Variants in BCAS1 observed in about 807,000 individuals in gnomAD.
BCAS1 encodes the protein brain enriched myelin associated protein 1.
BCAS1 carries 46 observed loss-of-function variants against 65.4 expected under a neutral mutation model. The ratio of observed to expected loss-of-function variants is 0.70; its 90% confidence interval spans 0.55 to 0.90. BCAS1 has a LOEUF of 0.90. Among genes scored for constraint, BCAS1 ranks in the 40% least tolerant of loss-of-function variants. The pLI is 0.00. For synonymous variants in BCAS1, 298 were observed against 293.5 expected (o/e 1.02, Z -0.16); for missense variants, 793 against 771.2 (o/e 1.03, Z -0.33).
chr20:53,961,599 G>C (rs1313188931), intron 10 of BCAS1, among the ~76,000 whole-genome samples: 4 of 152,188 alleles, frequency 2.6e-5, no homozygotes, highest in Non-Finnish European at 4.4e-5. Context: ...TTTTAGGTAA[G>C]TGCAACAGCT....
At chr20:54,062,376 T>G (rs1265610919) in intron 1 of BCAS1, among the ~76,000 whole-genome samples, 1 of 152,216 alleles carries the variant, frequency 6.6e-6, no homozygotes, top group East Asian at 1.9e-4. Context: ...GAGGTATTAT[T>G]ATTTCAATTT....
At chr20:54,018,036 T>C (rs1028369143) in intron 4 of BCAS1, among the ~76,000 whole-genome samples, 1 of 152,240 alleles carries the variant, frequency 6.6e-6, no homozygotes, top group South Asian at 2.1e-4. Flanking sequence ...CAGTTTTGAA[T>C]GCTGCCAGAA....
At chr20:54,037,760 A>G (rs1429415173) in intron 3 of BCAS1, among the ~76,000 whole-genome samples, 2 of 151,222 alleles carry the variant, frequency 1.3e-5, no homozygotes, top group Non-Finnish European at 3.0e-5. Context: ...ATTTGAACCC[A>G]CATTTGCCTG....
At chr20:53,971,341 C>G (rs2090174379) in intron 9 of BCAS1, among the ~76,000 whole-genome samples, 1 of 152,200 alleles carries the variant, frequency 6.6e-6, no homozygotes, top group Non-Finnish European at 1.5e-5. Context: ...CTGACCTCAG[C>G]AGGAAGAGGC....
intron 3 of BCAS1, among the ~76,000 whole-genome samples, chr20:54,055,483 C>T (rs1308244281): frequency 6.6e-6 from 1 of 152,108 alleles, no homozygotes. Flanking sequence ...GACTTATTCA[C>T]TACCATGAAA....
chr20:54,003,297 A>G (rs2091104993), intron 4 of BCAS1, among the ~76,000 whole-genome samples: 2 of 151,400 alleles, frequency 1.3e-5, no homozygotes, highest in Non-Finnish European at 2.9e-5. Context: ...GAGTAGATTC[A>G]GGAGAAACAT....
chr20:54,003,639 T>TACC (rs374238489), intron 4 of BCAS1, among the ~76,000 whole-genome samples: 54,443 of 151,798 alleles, frequency 0.36, 10,979 homozygotes, highest in South Asian at 0.5. Context: ...GTGAGTATTT[T>TACC]AAAAGTAACA....
intron 3 of BCAS1, among the ~76,000 whole-genome samples, chr20:54,050,713 G>A (rs55832546): frequency 0.048 from 7,233 of 152,204 alleles, 224 homozygotes; most frequent in Middle Eastern, 0.11. Context: ...GGCCGTCCAC[G>A]CTCTGCCTCC....
intron 7 of BCAS1, among the ~76,000 whole-genome samples, chr20:53,990,840 G>C (rs190460759): frequency 2.0e-5 from 3 of 152,302 alleles, no homozygotes; most frequent in Non-Finnish European, 4.4e-5. Flanking sequence ...AAAATACACT[G>C]AATGCCACTC....
At chr20:53,971,928 A>G (rs1294122687) in intron 9 of BCAS1, among the ~76,000 whole-genome samples, 1 of 152,222 alleles carries the variant, frequency 6.6e-6, no homozygotes, top group Non-Finnish European at 1.5e-5. Context: ...TTCAAGAGTT[A>G]AAAAAAGATT....
At chr20:53,956,616 A>G (rs762003848) in intron 11 of BCAS1, among the ~76,000 whole-genome samples, 9 of 152,112 alleles carry the variant, frequency 5.9e-5, no homozygotes, top group Non-Finnish European at 1.2e-4. Flanking sequence ...ATAGATGAGG[A>G]AACTGAGGTG....
chr20:53,970,698 C>A (rs952938631), intron 9 of BCAS1, among the ~76,000 whole-genome samples: 3 of 152,282 alleles, frequency 2.0e-5, no homozygotes, highest in African/African-American at 7.2e-5. Flanking sequence ...TGAAGAGTTT[C>A]CCTTTTTGCC....
chr20:54,028,564 G>C lies in BCAS1; in HGVS notation c.551C>G (p.Ala184Gly). 2 of 1,614,204 alleles carry C rather than the reference G, an allele frequency of 1.2e-6. No individual in the cohort carries two copies. Among genetic ancestry groups the C allele is most frequent in the African/African-American group, 1.3e-5 (1 of 75,046 alleles). ...PPETGGAGGEAPSKPKDSSFF... is the reference protein window; with the variant it reads ...PPETGGAGGEGPSKPKDSSFF... ...GCTGGAGTCCTTGGGCTTGGAGGGA[G>C]CTTCTCCTCCTGCTCCCCCTGTCTC... is the stretch of plus-strand genomic sequence containing the variant. The change falls in exon 4 of 13, where the codon GCT becomes GGT. Residue 184 changes from alanine (A) to glycine (G), a missense_variant. Coordinates refer to ENST00000688948, the MANE Select transcript of BCAS1 (RefSeq NM_001366298.2).
chr20:53,985,814 A>C (rs1044794471), intron 7 of BCAS1, among the ~76,000 whole-genome samples: 1 of 152,204 alleles, frequency 6.6e-6, no homozygotes, highest in East Asian at 1.9e-4. Flanking sequence ...TATTTAGGCC[A>C]CTGGTCTCCA....
chr20:54,032,652 A>C (rs1467384800), intron 3 of BCAS1, among the ~76,000 whole-genome samples: 1 of 151,324 alleles, frequency 6.6e-6, no homozygotes, highest in Non-Finnish European at 1.5e-5. Flanking sequence ...AATAGAAAAC[A>C]GAATAAAACA....
Position 54,027,983 on chromosome 20 carries a change from G to T in BCAS1, c.723+409C>A, listed in dbSNP as rs113139073. Among the ~76,000 whole-genome samples the T allele has an allele frequency of 8.7e-4, 133 of 152,306 alleles. 2 individuals carry two copies. Among genetic ancestry groups the T allele is most frequent in the African/African-American group, 3.2e-3 (132 of 41,578 alleles). ...CTATTAACAGTAAGGGACGAAATGT[G>T]TTCCAACAAAACTCTGCATGTCAAC... is the stretch of plus-strand genomic sequence containing the variant. On this transcript the variant is annotated intron_variant, in intron 4 of 12. Transcript: ENST00000688948.
chr20:53,978,267 A>G (rs1486661960), intron 8 of BCAS1, among the ~76,000 whole-genome samples: 3 of 151,986 alleles, frequency 2.0e-5, no homozygotes, highest in Admixed American at 2.0e-4. Flanking sequence ...CCATGTTCTA[A>G]TTCTTGACCT....
At chr20:53,974,878 C>T (rs2090283180) in intron 9 of BCAS1, among the ~76,000 whole-genome samples, 5 of 152,212 alleles carry the variant, frequency 3.3e-5, no homozygotes, top group African/African-American at 9.7e-5. Context: ...TGAGGCTCAA[C>T]GTCTCTATCT....
In BCAS1 at chr20:53,944,640, A is replaced by T; in HGVS notation, c.*282T>A. 2.7e-6 allele frequency: 1 copy of T among 373,904 alleles called. No individual in the cohort carries two copies. The highest frequency in any genetic ancestry group is 3.0e-5 in the South Asian group (1 of 33,700). 23.2% of individuals were successfully genotyped at this position (373,904 alleles called of 1,614,324 possible). A position where few individuals can be genotyped will look rare whatever the true frequency, so the allele number is the denominator to read the frequency against. On this transcript the variant is annotated 3_prime_UTR_variant, in exon 13 of 13. Transcript: ENST00000688948. Reference sequence around the variant, plus strand: ...GCCATTTTCATCACTTAACCCGAACACATTCCTCTATTCCCTCCCTTTCCT... The same window carrying T: ...GCCATTTTCATCACTTAACCCGAACTCATTCCTCTATTCCCTCCCTTTCCT...
Sources: allele counts gnomAD v4.1 joint callset (sites outside exome capture counted in the v4.1 genomes callset), GRCh38; gene constraint gnomAD v4.1.1; transcripts MANE v1.5; gene names NCBI Gene and HGNC (gene_info 2026-07-23, HGNC 2026-07-21).